SEPTIN9: variants seen among roughly 807,000 people sequenced by gnomAD.
SEPTIN9 encodes the protein septin-9.
A neutral mutation model predicts 56.6 loss-of-function variants in SEPTIN9; 13 were observed. That is an observed-to-expected ratio of 0.23 (90% CI 0.15 to 0.37). The LOEUF (loss-of-function observed/expected upper bound fraction) is 0.37, where lower values mean the gene tolerates loss of function less well. Among genes scored for constraint, SEPTIN9 ranks in the 10% least tolerant of loss-of-function variants. The probability of loss-of-function intolerance (pLI) is 1.00; values close to 1 mark genes in which losing one functional copy is unlikely to be tolerated. For synonymous variants in SEPTIN9, 332 were observed against 334.1 expected (o/e 0.99, Z 0.07); for missense variants, 650 against 823.1 (o/e 0.79, Z 2.57).
intron 3 of SEPTIN9, among the ~76,000 whole-genome samples, chr17:77,459,638 A>T (rs1021823669): frequency 7.2e-5 from 11 of 152,102 alleles, no homozygotes; most frequent in Non-Finnish European, 1.5e-4. Flanking sequence ...GGGAGGCCCC[A>T]GGAAGCTTTT....
At chr17:77,426,715 C>G (rs1286507259) in intron 3 of SEPTIN9, among the ~76,000 whole-genome samples, 4 of 152,212 alleles carry the variant, frequency 2.6e-5, no homozygotes. Flanking sequence ...TAAAACAGCC[C>G]TCCCATGCCT....
At chr17:77,284,165 G>A (rs565112665) in intron 1 of SEPTIN9, among the ~76,000 whole-genome samples, 31 of 151,862 alleles carry the variant, frequency 2.0e-4, no homozygotes, top group African/African-American at 7.5e-4. Context: ...CACGAGGATC[G>A]CTTGAGCCCA....
Position 77,405,167 on chromosome 17 carries a change from A to G in SEPTIN9, c.721+2464A>G, listed in dbSNP as rs1310548654. The G allele has an allele frequency of 1.6e-5, 25 of 1,517,844 alleles. No individual in the cohort carries two copies. The highest frequency in any genetic ancestry group is 2.2e-5 in the Non-Finnish European group (25 of 1,131,176). The allele number at this position is 1,517,844 out of a possible 1,614,324, so 94.0% of individuals were successfully genotyped here. A position where few individuals can be genotyped will look rare whatever the true frequency, so the allele number is the denominator to read the frequency against. On this transcript the variant is annotated intron_variant, in intron 3 of 11. Transcript: ENST00000427177. This position sits in a 1 kb window ranked among gnomAD's most constrained non-coding sequence, Gnocchi z 5.8. The stretch of plus-strand genomic sequence containing the variant: ...TAGGGGGATGTCCATGGGGATGTAC[A>G]AGAACATTCTCCTCCAGGGGCAGAC...
intron 3 of SEPTIN9, among the ~76,000 whole-genome samples, chr17:77,411,085 G>T (rs62077373): frequency 2.7e-5 from 4 of 146,024 alleles, no homozygotes; most frequent in Admixed American, 2.7e-4. Context: ...ACTCCCATCT[G>T]GGAAAAAAAA....
chr17:77,325,814 A>G (rs530419915), intron 2 of SEPTIN9, among the ~76,000 whole-genome samples: 1 of 152,114 alleles, frequency 6.6e-6, no homozygotes, highest in South Asian at 2.1e-4. Flanking sequence ...TGATCTGGAC[A>G]CAAGTCTCCA....
rs1232662271 is a variant in SEPTIN9 at position 77,451,869 on chromosome 17, G to C, written c.722-30275G>C. On this transcript the variant is annotated intron_variant, in intron 3 of 11. Coordinates refer to ENST00000427177, the MANE Select transcript of SEPTIN9 (RefSeq NM_001113491.2). This position sits in a 1 kb window ranked among gnomAD's most constrained non-coding sequence, Gnocchi z 4.2. ...TTGGAACATGTTTCCTTTTCGCAAGGGGTTTCCCTGGCTTCCAGGAGGGCC... is the reference window on the plus strand; with the variant it reads ...TTGGAACATGTTTCCTTTTCGCAAGCGGTTTCCCTGGCTTCCAGGAGGGCC... Among the ~76,000 whole-genome samples, 1 of 152,350 alleles carries C rather than the reference G, an allele frequency of 6.6e-6. No individual in the cohort carries two copies. The highest frequency in any genetic ancestry group is 2.1e-4 in the South Asian group (1 of 4,830).
At chr17:77,314,409 C>G (rs1248981065) in intron 2 of SEPTIN9, among the ~76,000 whole-genome samples, 1 of 128,640 alleles carries the variant, frequency 7.8e-6, no homozygotes, top group Non-Finnish European at 1.6e-5. Flanking sequence ...GTCTTGAACT[C>G]TTGGCCTCAA....
At chr17:77,444,472 T>G (rs2037661948) in intron 3 of SEPTIN9, among the ~76,000 whole-genome samples, 2 of 145,388 alleles carry the variant, frequency 1.4e-5, no homozygotes, top group African/African-American at 2.6e-5. Context: ...GGGCTGGGGG[T>G]CGGGGAGGGG....
intron 3 of SEPTIN9, among the ~76,000 whole-genome samples, chr17:77,440,211 G>A (rs942060413): frequency 6.6e-6 from 1 of 152,084 alleles, no homozygotes; most frequent in Non-Finnish European, 1.5e-5. Flanking sequence ...CTGGAGTGCA[G>A]TAGCACAATC....
intron 2 of SEPTIN9, among the ~76,000 whole-genome samples, chr17:77,337,732 G>T (rs2033600987): frequency 6.6e-6 from 1 of 152,078 alleles, no homozygotes; most frequent in Admixed American, 6.6e-5. Context: ...CTTACTTTTG[G>T]TAAGTTGTAC....
At chr17:77,408,089 G>A (rs1447492259) in intron 3 of SEPTIN9, among the ~76,000 whole-genome samples, 1 of 152,144 alleles carries the variant, frequency 6.6e-6, no homozygotes, top group East Asian at 1.9e-4. Context: ...TGCCTTCTTG[G>A]GATGCTCACT....
Position 77,498,871 on chromosome 17 carries a change from C to T in SEPTIN9, c.*213C>T, listed in dbSNP as rs891469973. 336 of 610,830 alleles carry T rather than the reference C, an allele frequency of 5.5e-4. 2 individuals are homozygous for T. In the Admixed American group the frequency reaches 7.0e-3, roughly 13 times the overall value. The allele number at this position is 610,830 out of a possible 1,614,324, so 37.8% of individuals were successfully genotyped here. On this transcript the variant is annotated 3_prime_UTR_variant, in exon 12 of 12. Transcript: ENST00000427177. ...TCCCCGAGGTTGTGGGGAGGCTGCACTGGAGCCACAGGCAGGGGTGAGAGC... is the reference window on the plus strand; with the variant it reads ...TCCCCGAGGTTGTGGGGAGGCTGCATTGGAGCCACAGGCAGGGGTGAGAGC...
chr17:77,459,363 A>G (rs907798744), intron 3 of SEPTIN9, among the ~76,000 whole-genome samples: 1 of 152,176 alleles, frequency 6.6e-6, no homozygotes, highest in Admixed American at 6.5e-5. Flanking sequence ...TTCACCCAGC[A>G]GTGCTTTTTG....
chr17:77,370,530 G>A (rs2034687681), intron 2 of SEPTIN9, among the ~76,000 whole-genome samples: 1 of 152,160 alleles, frequency 6.6e-6, no homozygotes, highest in South Asian at 2.1e-4. Flanking sequence ...GTTTTGGGGG[G>A]GATCACCGGC....
chr17:77,487,385 C>T lies in SEPTIN9; in HGVS notation c.914-39C>T, dbSNP rs1413238079. On this transcript the variant is annotated intron_variant, in intron 4 of 11. Transcript: ENST00000427177. This position sits in a 1 kb window ranked among gnomAD's most constrained non-coding sequence, Gnocchi z 4.3. The stretch of plus-strand genomic sequence containing the variant: ...CCATGTGCAGACCCTGCTGGTCTCT[C>T]CGGAGAGACCCCTGACCGGCCTCCC... 1 of 1,569,020 alleles carries T rather than the reference C, an allele frequency of 6.4e-7. No individual in the cohort carries two copies. Among genetic ancestry groups the T allele is most frequent in the African/African-American group, 1.4e-5 (1 of 73,796 alleles).
intron 3 of SEPTIN9, among the ~76,000 whole-genome samples, chr17:77,428,237 C>T (rs1239086343): frequency 6.6e-6 from 1 of 152,246 alleles, no homozygotes; most frequent in Non-Finnish European, 1.5e-5. Flanking sequence ...AACACTGGCC[C>T]TGCCTTGGAC....
chr17:77,384,996 G>A (rs144816917), intron 2 of SEPTIN9, among the ~76,000 whole-genome samples: 25 of 151,940 alleles, frequency 1.6e-4, no homozygotes, highest in Admixed American at 3.9e-4. Context: ...GCAAATTTTC[G>A]GCTTTGTGCC....
intron 2 of SEPTIN9, among the ~76,000 whole-genome samples, chr17:77,346,109 T>G (rs2033884247): frequency 6.6e-6 from 1 of 151,632 alleles, no homozygotes; most frequent in African/African-American, 2.4e-5. Context: ...GCCCAGCTAA[T>G]TTTTGTATTT....
chr17:77,352,126 G>A (rs541841006), intron 2 of SEPTIN9, among the ~76,000 whole-genome samples: 11 of 152,308 alleles, frequency 7.2e-5, no homozygotes, highest in African/African-American at 2.4e-4. Flanking sequence ...GGCCACGTGC[G>A]GTGGCTCATG....
Sources: gnomAD v4.1 joint callset for allele counts (sites outside exome capture counted in the v4.1 genomes callset) on GRCh38, gnomAD v4.1.1 for gene constraint, Gnocchi (gnomAD v3.1) non-coding constraint, MANE v1.5 for transcripts, NCBI Gene and HGNC (gene_info 2026-07-23, HGNC 2026-07-21) for gene names.